MFSD12: variants seen among roughly 807,000 people sequenced by gnomAD.
The protein encoded by MFSD12 is major facilitator superfamily domain containing 12.
MFSD12 carries 67 observed loss-of-function variants against 51.2 expected under a neutral mutation model. The ratio of observed to expected loss-of-function variants is 1.31; its 90% CI spans 1.08 to 1.60. MFSD12 has a LOEUF of 1.60. MFSD12 is among the 40% of genes most tolerant of loss of function. The pLI is 0.00. For missense variants in MFSD12, 921 were observed against 673.0 expected (o/e 1.37, Z -4.08); for synonymous variants, 441 against 316.7 (o/e 1.39, Z -4.17).
rs553444987 is a variant in MFSD12 at position 3,551,245 on chromosome 19, C to T, written c.299-51G>A. ...CGGGGCTGTCCCGCACCAGCCAGGG[C>T]TCCCAGGGTGAGGACATGGAGGGAG... is the stretch of plus-strand genomic sequence containing the variant. On this transcript the variant is annotated intron_variant, in intron 1 of 9. Coordinates refer to ENST00000355415, the MANE Select transcript of MFSD12 (RefSeq NM_174983.5). The surrounding 1 kb of genome is among the most constrained non-coding windows in gnomAD (Gnocchi z 4.6). The T allele has an allele frequency of 3.0e-5, 43 of 1,445,218 alleles. No homozygotes were observed. In the South Asian group the frequency reaches 4.9e-4, roughly 16 times the overall value. The allele number at this position is 1,445,218 out of a possible 1,614,324, so 89.5% of individuals were successfully genotyped here. A position where few individuals can be genotyped will look rare whatever the true frequency, so the allele number is the denominator to read the frequency against.
At chr19:3,543,754 G>A (rs780001607), downstream of MFSD12, 78 of 1,491,614 alleles carry the variant, frequency 5.2e-5, no homozygotes, top group Non-Finnish European at 5.9e-5. Context: ...GAAACTGCCC[G>A]GGGCGATCCA....
rs1165584444 is a variant in MFSD12 at position 3,551,752 on chromosome 19, C to A, written c.299-558G>T. 2.0e-5 allele frequency among the ~76,000 whole-genome samples: 3 copies of A among 152,214 alleles called. No homozygotes were observed. The highest frequency in any genetic ancestry group is 7.2e-5 in the African/African-American group (3 of 41,450). ...AGAAAACCCCTAAGATACCCTGGAA[C>A]AAATGTAAGATCCTCCCCGCAGCCC... On this transcript the variant is annotated intron_variant, in intron 1 of 9. Coordinates refer to ENST00000355415, the MANE Select transcript of MFSD12 (RefSeq NM_174983.5). This position sits in a 1 kb window ranked among gnomAD's most constrained non-coding sequence, Gnocchi z 4.6.
chr19:3,556,821 T>C (rs1299072975), intron 1 of MFSD12, among the ~76,000 whole-genome samples: 1 of 110,096 alleles, frequency 9.1e-6, no homozygotes, highest in Admixed American at 1.2e-4. Flanking sequence ...GTGGGACTGA[T>C]GGAGGAAGCT....
At chr19:3,539,395 C>T (rs2030170763), downstream of MFSD12, 6 of 620,510 alleles carry the variant, frequency 9.7e-6, no homozygotes, top group South Asian at 5.6e-5. Context: ...TGTGTGACGT[C>T]CCCTCCAGCT....
At chr19:3,541,923 C>A, downstream of MFSD12, 1 of 538,018 alleles carries the variant, frequency 1.9e-6, no homozygotes, top group Non-Finnish European at 2.4e-6. Context: ...AATTCTCCTG[C>A]CTCAGCTTCC....
At chr19:3,545,887 T>G (rs1249702234) in intron 8 of MFSD12, among the ~76,000 whole-genome samples, 187 bp downstream of exon 8, 3 of 152,212 alleles carry the variant, frequency 2.0e-5, no homozygotes, top group African/African-American at 7.2e-5. Context: ...ACCCAACGTT[T>G]GTTGAGTGAA....
In MFSD12 at chr19:3,546,300, G is replaced by T; in HGVS notation, c.1149C>A (p.Leu383=). The part of the protein sequence containing the change: ...VLLGAGCATI[L]VTSLAMTADL... ...CGGCCGTCATGGCCAGCGAGGTGAC[G>T]AGGATGGTGGCACAGCCAGCACCCA... Residue 383 remains leucine (L), a synonymous_variant, in exon 7 of 10, where the codon CTC becomes CTA. Transcript: ENST00000355415. The T allele has an allele frequency of 6.2e-7, 1 of 1,610,002 alleles. No homozygotes were observed. Among genetic ancestry groups the T allele is most frequent in the Non-Finnish European group, 8.5e-7 (1 of 1,178,942 alleles).
At chr19:3,554,562 G>A (rs973348899) in intron 1 of MFSD12, among the ~76,000 whole-genome samples, 1 of 152,028 alleles carries the variant, frequency 6.6e-6, no homozygotes, top group African/African-American at 2.4e-5. Flanking sequence ...TCCTGCTTCC[G>A]CAGCTTCAAA....
downstream of MFSD12, chr19:3,542,627 C>T (rs1001367325): frequency 9.7e-5 from 96 of 993,604 alleles, no homozygotes; most frequent in Non-Finnish European, 1.2e-4. Flanking sequence ...GTGCCCCCCG[C>T]CCCCACACCA....
At chr19:3,543,980 C>T (rs1202404612), downstream of MFSD12, 1 of 1,548,082 alleles carries the variant, frequency 6.5e-7, no homozygotes, top group South Asian at 1.2e-5. Flanking sequence ...GCCAGCGGTC[C>T]CCGCCTTCCC....
At chr19:3,553,274 G>A (rs780333129) in intron 1 of MFSD12, among the ~76,000 whole-genome samples, 40 of 152,022 alleles carry the variant, frequency 2.6e-4, no homozygotes, top group Non-Finnish European at 4.6e-4. Context: ...TGGGGACCTC[G>A]GGCAAGTGAC....
At chr19:3,541,073 G>A (rs1238951026), downstream of MFSD12, among the ~76,000 whole-genome samples, 5 of 150,002 alleles carry the variant, frequency 3.3e-5, no homozygotes, top group Non-Finnish European at 7.4e-5. Context: ...GGAGGCTGAG[G>A]CAGGAGAATC....
chr19:3,550,961 G>A (rs778937784), intron 2 of MFSD12, 23 bp downstream of exon 2: 2 of 1,604,806 alleles, frequency 1.2e-6, no homozygotes, highest in Non-Finnish European at 1.7e-6. Flanking sequence ...CCTGCCCGTG[G>A]GGGAGGGTGC....
chr19:3,539,490 G>C, downstream of MFSD12: 1 of 530,902 alleles, frequency 1.9e-6, no homozygotes, highest in East Asian at 2.9e-5. Flanking sequence ...GTCTGCGGCC[G>C]TCTCCAAGGA....
downstream of MFSD12, chr19:3,539,442 G>A (rs567418936): frequency 5.1e-6 from 3 of 585,296 alleles, no homozygotes; most frequent in African/African-American, 3.7e-5. Context: ...CGCTCACTGT[G>A]GGGGCTACAG....
intron 1 of MFSD12, among the ~76,000 whole-genome samples, chr19:3,555,171 C>T (rs1460089664): frequency 9.9e-5 from 15 of 152,170 alleles, no homozygotes; most frequent in Admixed American, 1.3e-4. Context: ...TGCAGTGGCG[C>T]GATCTTGGCT....
downstream of MFSD12, chr19:3,542,093 A>G (rs935769767): frequency 3.2e-5 from 31 of 983,486 alleles, no homozygotes; most frequent in Non-Finnish European, 3.7e-5. Flanking sequence ...TACAGGCATG[A>G]GCCACTGCGC....
chr19:3,547,240 G>C (rs373921478), intron 6 of MFSD12, 32 bp downstream of exon 6: 3 of 1,587,074 alleles, frequency 1.9e-6, no homozygotes, highest in South Asian at 2.2e-5. Context: ...CCCATCCTCC[G>C]CCCCAGCTGT....
downstream of MFSD12, chr19:3,543,044 C>G: frequency 1.1e-5 from 17 of 1,604,950 alleles, no homozygotes; most frequent in Non-Finnish European, 1.4e-5. Context: ...GAGGGGGAGT[C>G]AGCCTCTCTC....
Sources: allele counts gnomAD v4.1 joint callset (sites outside exome capture counted in the v4.1 genomes callset), GRCh38; gene constraint gnomAD v4.1.1; non-coding constraint Gnocchi (gnomAD v3.1); transcripts MANE v1.5; gene names NCBI Gene and HGNC (gene_info 2026-07-23, HGNC 2026-07-21).